ANO2: variants seen among roughly 807,000 people sequenced by gnomAD.
ANO2 encodes the protein anoctamin-2.
Under a neutral mutation model 124.2 loss-of-function variants are expected in ANO2, and 101 were observed. The observed-to-expected ratio is 0.81, with a 90% CI of 0.69 to 0.96. The LOEUF (loss-of-function observed/expected upper bound fraction) is 0.96. Among genes scored for constraint, ANO2 ranks in the 40% least tolerant of loss-of-function variants. ANO2 has a pLI of 0.00. For missense variants in ANO2, 1,293 were observed against 1,274.5 expected (o/e 1.01, Z -0.22); for synonymous variants, 486 against 482.5 (o/e 1.01, Z -0.09).
chr12:5,589,224 G>C (rs1943273912), intron 20 of ANO2, among the ~76,000 whole-genome samples: 1 of 152,162 alleles, frequency 6.6e-6, no homozygotes, highest in Non-Finnish European at 1.5e-5. Flanking sequence ...TCTTTGAACT[G>C]CATGGGTGGG....
intron 14 of ANO2, among the ~76,000 whole-genome samples, chr12:5,725,132 C>T (rs1374944374): frequency 6.7e-6 from 1 of 150,244 alleles, no homozygotes; most frequent in African/African-American, 2.5e-5. Flanking sequence ...CACGCAAACA[C>T]AATCTCACAC....
chr12:5,883,819 A>C (rs1938689142), intron 3 of ANO2, among the ~76,000 whole-genome samples: 1 of 152,110 alleles, frequency 6.6e-6, no homozygotes, highest in Non-Finnish European at 1.5e-5. Context: ...GATTTCTTAA[A>C]TCCACTTTAA....
intron 3 of ANO2, among the ~76,000 whole-genome samples, chr12:5,899,650 C>G (rs12301255): frequency 0.11 from 16,395 of 152,224 alleles, 2,021 homozygotes; most frequent in African/African-American, 0.3. Flanking sequence ...TCTTAGAAGA[C>G]AGAAACAGCT....
intron 10 of ANO2, among the ~76,000 whole-genome samples, chr12:5,775,068 G>A (rs1405446308): frequency 6.6e-6 from 1 of 152,180 alleles, no homozygotes; most frequent in Admixed American, 6.5e-5. Context: ...CATTTTCAAA[G>A]AAGCTAAATC....
chr12:5,796,080 G>A (rs751574839), intron 10 of ANO2, among the ~76,000 whole-genome samples: 2 of 151,976 alleles, frequency 1.3e-5, no homozygotes, highest in African/African-American at 4.8e-5. Flanking sequence ...CTCACTCATC[G>A]AGGTTCCTGC....
chr12:5,687,973 T>A (rs1948773845), intron 14 of ANO2, among the ~76,000 whole-genome samples: 1 of 152,212 alleles, frequency 6.6e-6, no homozygotes, highest in Non-Finnish European at 1.5e-5. Context: ...AAGAAAGGTA[T>A]ATATTATAAG....
At chr12:5,610,259 A>C (rs1944441456) in intron 19 of ANO2, among the ~76,000 whole-genome samples, 1 of 123,440 alleles carries the variant, frequency 8.1e-6, no homozygotes, top group Non-Finnish European at 1.6e-5. Context: ...ATATTTATAC[A>C]TAAATATATA....
intron 3 of ANO2, among the ~76,000 whole-genome samples, chr12:5,889,839 A>AC (rs575131758): frequency 6.6e-6 from 1 of 152,242 alleles, no homozygotes; most frequent in African/African-American, 2.4e-5. Flanking sequence ...TCAATGAAGC[A>AC]CCCCGTCCAA....
rs552652283 is a variant in ANO2, at chr12:5,828,316, G to C, written c.841-496C>G. Among the ~76,000 whole-genome samples, 5 of 152,270 alleles carry C rather than the reference G, an allele frequency of 3.3e-5. No homozygotes were observed. In the South Asian group the frequency reaches 1.0e-3, roughly 32 times the overall value. ...GACAGGGAGAGCCAGTGTGGTAGCAGAAAGCTCCGAACGTGGAGGTAGGTG... is the reference window on the plus strand; with the variant it reads ...GACAGGGAGAGCCAGTGTGGTAGCACAAAGCTCCGAACGTGGAGGTAGGTG... On this transcript the variant is annotated intron_variant, in intron 6 of 24. Transcript: ENST00000682330.
At chr12:5,585,176 G>A (rs996426374) in intron 20 of ANO2, among the ~76,000 whole-genome samples, 3 of 151,854 alleles carry the variant, frequency 2.0e-5, no homozygotes, top group Admixed American at 6.6e-5. Context: ...AGTAGAAGAC[G>A]CATAAGAAAA....
intron 10 of ANO2, among the ~76,000 whole-genome samples, chr12:5,786,886 AT>A (rs1228002032): frequency 2.6e-5 from 4 of 152,342 alleles, no homozygotes; most frequent in African/African-American, 9.6e-5. Context: ...TGACAATTCA[AT>A]TAGATCATGC....
intron 10 of ANO2, among the ~76,000 whole-genome samples, chr12:5,776,086 C>T (rs1183809367): frequency 1.3e-5 from 2 of 152,220 alleles, no homozygotes; most frequent in African/African-American, 2.4e-5. Context: ...CTTCCTCAGA[C>T]CACGCATCAA....
intron 6 of ANO2, among the ~76,000 whole-genome samples, chr12:5,830,075 T>C (rs1954102227): frequency 6.6e-6 from 1 of 152,190 alleles, no homozygotes; most frequent in Non-Finnish European, 1.5e-5. Context: ...TAACGATCTA[T>C]ATAATTTTTT....
At chr12:5,617,090 G>A (rs914157150) in intron 16 of ANO2, among the ~76,000 whole-genome samples, 1 of 151,350 alleles carries the variant, frequency 6.6e-6, no homozygotes, top group Admixed American at 6.6e-5. Flanking sequence ...GCACTCTCCA[G>A]ATCACACTGT....
intron 1 of ANO2, among the ~76,000 whole-genome samples, chr12:5,932,924 G>T (rs560337660): frequency 6.6e-6 from 1 of 152,298 alleles, no homozygotes; most frequent in Non-Finnish European, 1.5e-5. Context: ...CTACCAATGG[G>T]CAAAGGAGGA....
intron 7 of ANO2, among the ~76,000 whole-genome samples, chr12:5,808,434 A>G (rs116692173): frequency 7.9e-4 from 120 of 152,198 alleles, no homozygotes; most frequent in African/African-American, 2.8e-3. Flanking sequence ...GGTCTGTCCT[A>G]GGTCGCTGGC....
intron 21 of ANO2, 59 bp from the exon 22 acceptor site, chr12:5,578,066 C>T (rs1052005669): frequency 1.5e-4 from 231 of 1,558,520 alleles, no homozygotes; most frequent in Non-Finnish European, 1.7e-4. Flanking sequence ...GTGATGACAA[C>T]GCTGAAGCTC....
chr12:5,831,820 C>A (rs1455106109), intron 5 of ANO2, among the ~76,000 whole-genome samples: 1 of 152,154 alleles, frequency 6.6e-6, no homozygotes, highest in African/African-American at 2.4e-5. Context: ...TTTCTCATCA[C>A]CCTCGATGGT....
At chr12:5,671,006 C>T (rs1170126499) in intron 14 of ANO2, among the ~76,000 whole-genome samples, 1 of 152,162 alleles carries the variant, frequency 6.6e-6, no homozygotes, top group Non-Finnish European at 1.5e-5. Context: ...CTCCATGCAA[C>T]TTCACACTTC....
Sources: gnomAD v4.1 joint callset for allele counts (sites outside exome capture counted in the v4.1 genomes callset) on GRCh38, gnomAD v4.1.1 for gene constraint, MANE v1.5 for transcripts, NCBI Gene and HGNC (gene_info 2026-07-23, HGNC 2026-07-21) for gene names.